SLC25A17: variants seen among roughly 807,000 people sequenced by gnomAD.
SLC25A17 encodes peroxisomal membrane protein PMP34.
Under a neutral mutation model 38.5 loss-of-function variants are expected in SLC25A17, and 26 were observed. The ratio of observed to expected loss-of-function variants is 0.68; its 90% CI spans 0.50 to 0.94. The LOEUF (loss-of-function observed/expected upper bound fraction) is 0.94, where lower values mean the gene tolerates loss of function less well. SLC25A17 is among the 40% of genes least tolerant of loss of function. The pLI is 0.00. For synonymous variants in SLC25A17, 139 were observed against 136.2 expected (o/e 1.02, Z -0.14); for missense variants, 333 against 372.7 (o/e 0.89, Z 0.88).
rs1319381929 is a variant in SLC25A17 at position 40,769,698 on chromosome 22, T to C, written c.*1136A>G. The C allele has an allele frequency of 2.0e-5, 3 of 152,232 alleles. No homozygotes were observed. The highest frequency in any genetic ancestry group is 4.4e-5 in the Non-Finnish European group (3 of 68,046). The allele number at this position is 152,232 out of a possible 1,614,324, so 9.4% of individuals were successfully genotyped here. On this transcript the variant is annotated 3_prime_UTR_variant, in exon 9 of 9. Coordinates refer to ENST00000435456, the MANE Select transcript of SLC25A17 (RefSeq NM_006358.4). Reference sequence around the variant, plus strand: ...AGAAAAATCTTTATCTTGATGTCTATAATCGAAACCAATCACTTCTTCTCA... The same window carrying C: ...AGAAAAATCTTTATCTTGATGTCTACAATCGAAACCAATCACTTCTTCTCA...
chr22:40,812,174 C>T (rs984325967), intron 1 of SLC25A17, among the ~76,000 whole-genome samples: 12 of 151,970 alleles, frequency 7.9e-5, no homozygotes, highest in African/African-American at 2.2e-4. Flanking sequence ...TGATTACAGG[C>T]GTGAGCCACC....
chr22:40,779,507 T>G, intron 4 of SLC25A17: 2 of 427,270 alleles, frequency 4.7e-6, no homozygotes, highest in Non-Finnish European at 4.2e-6. Flanking sequence ...GCTAAGTCCA[T>G]GACAATATCA....
chr22:40,786,712 C>A (rs1362789194), intron 4 of SLC25A17, among the ~76,000 whole-genome samples: 8 of 152,180 alleles, frequency 5.3e-5, no homozygotes, highest in Non-Finnish European at 1.2e-4. Context: ...AGATGTGGAA[C>A]CCACGGATGA....
chr22:40,802,692 A>G (rs141254262), intron 1 of SLC25A17, among the ~76,000 whole-genome samples: 3 of 152,316 alleles, frequency 2.0e-5, no homozygotes, highest in African/African-American at 7.2e-5. Context: ...ACAGTTTTAT[A>G]AATTTAGTAG....
At chr22:40,818,559 A>G (rs1037405717) in intron 1 of SLC25A17, among the ~76,000 whole-genome samples, 1 of 152,010 alleles carries the variant, frequency 6.6e-6, no homozygotes, top group Non-Finnish European at 1.5e-5. Flanking sequence ...TTAAAAATGT[A>G]GCCGGGTGTG....
chr22:40,817,700 T>A lies in SLC25A17; in HGVS notation c.54+1495A>T, dbSNP rs192123425. ...TCATCTCTCGCCTGATAATTGCTTG[T>A]CCCCTGTTCCCTTACATTCTACTCT... On this transcript the variant is annotated intron_variant, in intron 1 of 8. Coordinates refer to ENST00000435456, the MANE Select transcript of SLC25A17 (RefSeq NM_006358.4). Among the ~76,000 whole-genome samples the A allele has an allele frequency of 9.2e-5, 14 of 152,278 alleles. No homozygotes were observed. The East Asian group carries it at 2.7e-3, about 29-fold the overall frequency.
At chr22:40,810,922 T>A (rs1412901181) in intron 1 of SLC25A17, among the ~76,000 whole-genome samples, 1 of 152,142 alleles carries the variant, frequency 6.6e-6, no homozygotes, top group African/African-American at 2.4e-5. Flanking sequence ...CCACATTCCC[T>A]CTTTTTTTGT....
At chr22:40,781,268 C>T (rs1382042443) in intron 4 of SLC25A17, among the ~76,000 whole-genome samples, 2 of 147,344 alleles carry the variant, frequency 1.4e-5, no homozygotes, top group East Asian at 2.0e-4. Context: ...TTTTTTGAGA[C>T]GGAGTCTCGC....
intron 2 of SLC25A17, among the ~76,000 whole-genome samples, chr22:40,798,709 T>G (rs2057453076): frequency 7.1e-6 from 1 of 141,416 alleles, no homozygotes; most frequent in Middle Eastern, 3.9e-3. Flanking sequence ...GGCTCATCCC[T>G]GTAATCCCAG....
intron 4 of SLC25A17, among the ~76,000 whole-genome samples, chr22:40,784,261 G>A (rs1453059057): frequency 6.6e-6 from 1 of 151,984 alleles, no homozygotes; most frequent in African/African-American, 2.4e-5. Context: ...AATGGCTTGT[G>A]GGAAAGGGTA....
chr22:40,818,712 A>T (rs2057666377), intron 1 of SLC25A17, among the ~76,000 whole-genome samples: 1 of 151,398 alleles, frequency 6.6e-6, no homozygotes, highest in South Asian at 2.1e-4. Context: ...TCCGGAAAAA[A>T]AAAAAAAAAA....
intron 4 of SLC25A17, among the ~76,000 whole-genome samples, chr22:40,790,340 C>CAAAAAA (rs138301): frequency 1.6e-5 from 1 of 61,212 alleles, no homozygotes; most frequent in African/African-American, 6.7e-5. Flanking sequence ...GACACAATCT[C>CAAAAAA]AAAAAAAAAA....
intron 1 of SLC25A17, among the ~76,000 whole-genome samples, chr22:40,807,382 G>C (rs968679237): frequency 5.3e-5 from 8 of 152,124 alleles, no homozygotes; most frequent in African/African-American, 1.9e-4. Flanking sequence ...ATCAGTATTT[G>C]AACATAGGCA....
Position 40,800,271 on chromosome 22 carries a change from T to C in SLC25A17, c.55-1188A>G, listed in dbSNP as rs556197099. Among the ~76,000 whole-genome samples, 4 of 152,338 alleles carry C rather than the reference T, an allele frequency of 2.6e-5. No homozygotes were observed. The East Asian group carries it at 7.7e-4, about 29-fold the overall frequency. On this transcript the variant is annotated intron_variant, in intron 1 of 8. Transcript: ENST00000435456. ...ACATATATTTAGGGATGAAACTATA[T>C]ACATGAAACTTCCATTTTGGTTTAT...
chr22:40,786,872 C>CATTTT (rs1386011549), intron 4 of SLC25A17, among the ~76,000 whole-genome samples: 1 of 152,162 alleles, frequency 6.6e-6, no homozygotes, highest in Non-Finnish European at 1.5e-5. Context: ...GAGAAGACTC[C>CATTTT]AGGAGGAGCA....
chr22:40,793,762 G>A (rs1043497252), intron 3 of SLC25A17, among the ~76,000 whole-genome samples: 3 of 152,046 alleles, frequency 2.0e-5, no homozygotes, highest in African/African-American at 4.8e-5. Context: ...GTAGGCATGC[G>A]CTACCACGCC....
In SLC25A17 at chr22:40,790,340, C is replaced by CA. The variant is rs138301; in HGVS notation, c.334+2184dup. On this transcript the variant is annotated intron_variant, in intron 4 of 8. Coordinates refer to ENST00000435456, the MANE Select transcript of SLC25A17 (RefSeq NM_006358.4). ...TGGGCAACAGAGTGAGACACAATCT[C>CA]AAAAAAAAAAAAAAAAAAAAAAGTG... Among the ~76,000 whole-genome samples, 338 of 61,150 alleles carry CA rather than the reference C, an allele frequency of 5.5e-3. 5 individuals carry two copies. The highest frequency in any genetic ancestry group is 6.5e-3 in the East Asian group (12 of 1,844). 40.1% of individuals were successfully genotyped at this position (61,150 alleles called of 152,430 possible).
At chr22:40,806,533 T>C (rs1229168471) in intron 1 of SLC25A17, among the ~76,000 whole-genome samples, 3 of 152,172 alleles carry the variant, frequency 2.0e-5, no homozygotes, top group African/African-American at 7.2e-5. Context: ...CTCTTCTATT[T>C]TGGTTGTCTG....
intron 7 of SLC25A17, chr22:40,776,249 C>T (rs2057242474): frequency 2.2e-6 from 1 of 464,244 alleles, no homozygotes; most frequent in African/African-American, 2.0e-5. Context: ...TTATTTACCA[C>T]TGCATGCCCA....
Sources: allele counts gnomAD v4.1 joint callset (sites outside exome capture counted in the v4.1 genomes callset), GRCh38; gene constraint gnomAD v4.1.1; transcripts MANE v1.5; gene names NCBI Gene and HGNC (gene_info 2026-07-23, HGNC 2026-07-21).